Variants in GATAD1 observed in about 807,000 individuals in gnomAD.
The protein encoded by GATAD1 is GATA zinc finger domain-containing protein 1.
In GATAD1, 12 loss-of-function variants were observed where a neutral mutation model predicts 26.5. That is an observed-to-expected ratio of 0.45 (90% CI 0.29 to 0.73). GATAD1 has a LOEUF of 0.73. Ranked by LOEUF, GATAD1 falls within the 30% of genes least tolerant of loss-of-function variation. The pLI, the probability that GATAD1 is intolerant of heterozygous loss-of-function variation, is 0.10. For missense variants in GATAD1, 266 were observed against 342.1 expected, an observed-to-expected ratio of 0.78 and a Z score of 1.75; for synonymous variants, 129 against 133.1, an observed-to-expected ratio of 0.97 and a Z score of 0.21.
At chr7:92,469,788 A>C in the GATAD1 span, 1 of 765,498 alleles carries the variant, frequency 1.3e-6, no homozygotes, top group East Asian at 2.4e-5. Context: ...CAGGGATTGA[A>C]ACATATGGCC....
chr7:92,462,389 C>T (rs927550713), downstream of GATAD1, among the ~76,000 whole-genome samples: 1 of 149,916 alleles, frequency 6.7e-6, no homozygotes, highest in African/African-American at 2.4e-5. Flanking sequence ...AACAAAAACA[C>T]ACACATATAC....
At chr7:92,470,302 C>CAGCG in the GATAD1 span, 1 of 777,600 alleles carries the variant, frequency 1.3e-6, no homozygotes, top group South Asian at 1.3e-5. Flanking sequence ...ACTGGTCATA[C>CAGCG]AGCGGCATGG....
At chr7:92,452,602 C>A (rs1051350182) in intron 3 of GATAD1, among the ~76,000 whole-genome samples, 2 of 152,130 alleles carry the variant, frequency 1.3e-5, no homozygotes, top group Admixed American at 1.3e-4. Flanking sequence ...TCGTGTGGAC[C>A]CCTTTTCTCT....
At chr7:92,462,688 C>T (rs1010332942), downstream of GATAD1, among the ~76,000 whole-genome samples, 2 of 152,164 alleles carry the variant, frequency 1.3e-5, no homozygotes, top group Admixed American at 6.5e-5. Context: ...GGAGTAGGGC[C>T]TTTGGGAGGT....
intron 2 of GATAD1, chr7:92,449,092 C>T (rs1414949783): frequency 2.6e-6 from 3 of 1,140,150 alleles, no homozygotes; most frequent in Non-Finnish European, 3.4e-6. Context: ...TGTTTTTTAG[C>T]TTTTATTTTT....
chr7:92,487,516 T>C, the GATAD1 span: 1 of 1,588,566 alleles, frequency 6.3e-7, no homozygotes, highest in African/African-American at 1.3e-5. Context: ...TTTTTTCTCC[T>C]CTTTGGATTT....
Position 92,448,620 on chromosome 7 carries a change from A to G in GATAD1, c.250-132A>G, listed in dbSNP as rs1383730046. ...CTGTAATTACTTCTCTTGAAAAGCA[A>G]AAGGGCAATCTTAATTGTTAAATGC... is the stretch of plus-strand genomic sequence containing the variant. On this transcript the variant is annotated intron_variant, in intron 1 of 4. Transcript: ENST00000287957. 9.5e-6 allele frequency: 7 copies of G among 738,456 alleles called. No individual in the cohort carries two copies. In the Admixed American group the frequency reaches 1.1e-4, roughly 12 times the overall value. The allele number at this position is 738,456 out of a possible 1,614,324, so 45.7% of individuals were successfully genotyped here. A position where few individuals can be genotyped will look rare whatever the true frequency, so the allele number is the denominator to read the frequency against.
chr7:92,473,488 C>G, the GATAD1 span, among the ~76,000 whole-genome samples: 2 of 152,000 alleles, frequency 1.3e-5, no homozygotes, highest in Non-Finnish European at 2.9e-5. Flanking sequence ...TATTGTCCTT[C>G]TGTTGCCCAG....
chr7:92,467,575 T>C, the GATAD1 span, among the ~76,000 whole-genome samples: 1 of 152,246 alleles, frequency 6.6e-6, no homozygotes, highest in Admixed American at 6.5e-5. Context: ...TCTGAGATTT[T>C]CAAACTGGCA....
At chr7:92,460,990 C>T (rs1789902790), downstream of GATAD1, among the ~76,000 whole-genome samples, 2 of 152,048 alleles carry the variant, frequency 1.3e-5, no homozygotes, top group Admixed American at 1.3e-4. Flanking sequence ...CAACCGCTGG[C>T]TTTTAGTCTA....
intron 2 of GATAD1, chr7:92,450,163 A>T (rs1789364967): frequency 6.5e-6 from 1 of 152,710 alleles, no homozygotes. Flanking sequence ...AAAAGTATGT[A>T]TTGAAGCTTT....
chr7:92,469,040 T>G, the GATAD1 span: 2 of 711,158 alleles, frequency 2.8e-6, no homozygotes, highest in South Asian at 2.9e-5. Context: ...AAGGGGAGAA[T>G]CCAGGGCATC....
the GATAD1 span, among the ~76,000 whole-genome samples, chr7:92,485,448 T>C: frequency 6.6e-6 from 1 of 152,198 alleles, no homozygotes; most frequent in Non-Finnish European, 1.5e-5. Context: ...CACCACAATA[T>C]AGTCATGGCC....
chr7:92,448,045 G>C (rs1789238273), intron 1 of GATAD1, 67 bp downstream of exon 1: 1 of 1,152,458 alleles, frequency 8.7e-7, no homozygotes, highest in South Asian at 4.3e-5. Flanking sequence ...GGACGGGCTG[G>C]CTGGGAGCGG....
At chr7:92,456,194 T>TA (rs2115884487) in intron 4 of GATAD1, among the ~76,000 whole-genome samples, 178 bp from the exon 5 acceptor site, 1 of 152,320 alleles carries the variant, frequency 6.6e-6, no homozygotes, top group African/African-American at 2.4e-5. Context: ...GCCATATTCT[T>TA]TAAGCCGTTA....
the GATAD1 span, chr7:92,491,463 A>G: frequency 6.2e-7 from 1 of 1,613,390 alleles, no homozygotes; most frequent in Middle Eastern, 1.7e-4. Flanking sequence ...AAGACCATTG[A>G]AGACAGACTT....
chr7:92,478,974 T>A, the GATAD1 span, among the ~76,000 whole-genome samples: 2 of 152,146 alleles, frequency 1.3e-5, no homozygotes, highest in Non-Finnish European at 2.9e-5. Context: ...GGTACATGAA[T>A]GATACACCTG....
At chr7:92,465,874 C>A in the GATAD1 span, among the ~76,000 whole-genome samples, 1 of 151,326 alleles carries the variant, frequency 6.6e-6, no homozygotes, top group African/African-American at 2.4e-5. Context: ...GGTGGCACAT[C>A]CCTGTAATCC....
At position 92,458,755 on chromosome 7, in the gene GATAD1, G is replaced by C; in HGVS notation, c.*2193G>C. On this transcript the variant is annotated 3_prime_UTR_variant, in exon 5 of 5. Transcript: ENST00000287957. The stretch of plus-strand genomic sequence containing the variant: ...CATAATTATCTCTTTATTCACAAAG[G>C]GTATAGTAAAATTGATTGTAAATAA... 6.6e-6 allele frequency: 1 copy of C among 152,128 alleles called. No homozygotes were observed. The highest frequency in any genetic ancestry group is 2.1e-4 in the South Asian group (1 of 4,832). 9.4% of individuals were successfully genotyped at this position (152,128 alleles called of 1,614,324 possible).
Sources: allele counts gnomAD v4.1 joint callset (sites outside exome capture counted in the v4.1 genomes callset), GRCh38; gene constraint gnomAD v4.1.1; transcripts MANE v1.5; gene names NCBI Gene and HGNC (gene_info 2026-07-23, HGNC 2026-07-21).